Variants in MGAT5 observed in about 807,000 individuals in gnomAD.
MGAT5 encodes alpha-1,6-mannosylglycoprotein 6-beta-N-acetylglucosaminyltransferase A.
Under a neutral mutation model 94.3 loss-of-function variants are expected in MGAT5, and 30 were observed. That is an observed-to-expected ratio of 0.32 (90% CI 0.24 to 0.43). The LOEUF (loss-of-function observed/expected upper bound fraction) is 0.43, where lower values mean the gene tolerates loss of function less well. Ranked by LOEUF, MGAT5 falls within the 20% of genes least tolerant of loss-of-function variation. The pLI is 1.00. For missense variants in MGAT5, 691 were observed against 905.5 expected, an observed-to-expected ratio of 0.76 and a Z score of 3.04; for synonymous variants, 310 against 322.9, an observed-to-expected ratio of 0.96 and a Z score of 0.43.
chr2:134,364,290 AG>A (rs1459244362), intron 10 of MGAT5, among the ~76,000 whole-genome samples: 9 of 152,288 alleles, frequency 5.9e-5, no homozygotes, highest in African/African-American at 1.9e-4. Context: ...ACCTGAGGTC[AG>A]GAGTTTGCAA....
Position 134,364,367 on chromosome 2 carries a change from G to T in MGAT5, c.1380+1959G>T, listed in dbSNP as rs1320480567. On this transcript the variant is annotated intron_variant, in intron 10 of 15. Transcript: ENST00000281923. ...ACAAAACAATTAGCTAGGCGTGGTG[G>T]CAGGTGACTGTAATCCAAGCTACTT... 8.5e-5 allele frequency among the ~76,000 whole-genome samples: 13 copies of T among 152,146 alleles called. No homozygotes were observed. In the East Asian group the frequency reaches 1.9e-3, roughly 23 times the overall value.
intron 14 of MGAT5, among the ~76,000 whole-genome samples, chr2:134,434,319 C>T (rs796761956): frequency 2.6e-5 from 4 of 152,134 alleles, no homozygotes; most frequent in Admixed American, 6.5e-5. Flanking sequence ...AACATTGTTC[C>T]GTCTCATAAA....
At chr2:134,130,997 G>A (rs1420222986) in intron 1 of MGAT5, among the ~76,000 whole-genome samples, 1 of 152,228 alleles carries the variant, frequency 6.6e-6, no homozygotes, top group Non-Finnish European at 1.5e-5. Flanking sequence ...GCCTGAGCTG[G>A]CACTGGCAAC....
upstream of MGAT5, among the ~76,000 whole-genome samples, chr2:134,249,599 A>G (rs1239492930): frequency 1.3e-5 from 2 of 152,220 alleles, no homozygotes; most frequent in African/African-American, 4.8e-5. Flanking sequence ...TTATAGCCAG[A>G]TAATATTTAA....
intron 2 of MGAT5, among the ~76,000 whole-genome samples, chr2:134,300,514 C>G (rs923127360): frequency 6.6e-6 from 1 of 152,170 alleles, no homozygotes; most frequent in African/African-American, 2.4e-5. Context: ...ACACAATTAA[C>G]TAGTTCACTG....
At chr2:134,341,478 T>G in intron 6 of MGAT5, 112 bp from the exon 7 acceptor site, 9 of 847,624 alleles carry the variant, frequency 1.1e-5, no homozygotes, top group East Asian at 2.7e-5. Context: ...CACCCTTTGA[T>G]TTTGTTAGGA....
intron 1 of MGAT5, among the ~76,000 whole-genome samples, chr2:134,131,572 A>ATTTTTTTT (rs10617178): frequency 1.2e-5 from 1 of 85,230 alleles, no homozygotes; most frequent in Non-Finnish European, 2.4e-5. Flanking sequence ...TGGTAGATTG[A>ATTTTTTTT]TTTTTTTTTT....
At chr2:134,364,971 A>C (rs1680334008) in intron 10 of MGAT5, among the ~76,000 whole-genome samples, 1 of 152,206 alleles carries the variant, frequency 6.6e-6, no homozygotes, top group African/African-American at 2.4e-5. Context: ...CATAGGCTTT[A>C]GCTAGCAGGA....
chr2:134,267,069 A>T (rs1003054045), intron 1 of MGAT5, among the ~76,000 whole-genome samples: 1 of 152,196 alleles, frequency 6.6e-6, no homozygotes, highest in Non-Finnish European at 1.5e-5. Flanking sequence ...GGACAGGGAC[A>T]TGAGTGAGTC....
At chr2:134,130,333 G>A (rs1686088949) in intron 1 of MGAT5, among the ~76,000 whole-genome samples, 1 of 149,226 alleles carries the variant, frequency 6.7e-6, no homozygotes. Flanking sequence ...CCTCCCCTAC[G>A]GGCACCACCC....
At chr2:134,375,159 C>T (rs961699154) in intron 10 of MGAT5, among the ~76,000 whole-genome samples, 4 of 152,168 alleles carry the variant, frequency 2.6e-5, no homozygotes, top group Non-Finnish European at 5.9e-5. Context: ...CCAGGCATGG[C>T]CTTCACAATG....
chr2:134,133,143 A>G (rs1351931618), intron 1 of MGAT5, among the ~76,000 whole-genome samples: 1 of 152,210 alleles, frequency 6.6e-6, no homozygotes, highest in African/African-American at 2.4e-5. Context: ...AGCTTCTCTT[A>G]CACCACCTTT....
intron 1 of MGAT5, among the ~76,000 whole-genome samples, chr2:134,237,326 G>T (rs1305034424): frequency 2.0e-5 from 3 of 152,198 alleles, no homozygotes; most frequent in Non-Finnish European, 2.9e-5. Flanking sequence ...TGGGAGGCAA[G>T]ACACCTCCTA....
rs1307088831 is a variant in MGAT5, at chr2:134,209,141, ATTTTTTTTTTATTTTTTT to A, written c.-142-45098_-142-45081del. Among the ~76,000 whole-genome samples the A allele has an allele frequency of 5.5e-3, 88 of 16,084 alleles. 20 individuals carry two copies. The highest frequency in any genetic ancestry group is 6.9e-3 in the South Asian group (2 of 288). 10.6% of individuals were successfully genotyped at this position (16,084 alleles called of 152,430 possible). On this transcript the variant is annotated intron_variant, in intron 1 of 16. Transcript: ENST00000409645. ...GAGGGATTGTATATAGAACTGGCTT[ATTTTTTTTTTATTTTTTT>A]TTTTTTTTTTATTTTTTTTTTTATT... is the stretch of plus-strand genomic sequence containing the variant.
intron 1 of MGAT5, among the ~76,000 whole-genome samples, chr2:134,214,998 G>GT (rs1190810083): frequency 1.3e-5 from 2 of 152,022 alleles, no homozygotes; most frequent in Admixed American, 1.3e-4. Context: ...AATCCTGACT[G>GT]TTTTAGCACT....
chr2:134,223,296 TGC>T (rs1227156120), intron 1 of MGAT5, among the ~76,000 whole-genome samples: 1 of 152,194 alleles, frequency 6.6e-6, no homozygotes, highest in Non-Finnish European at 1.5e-5. Context: ...CCACCTTTTC[TGC>T]ATTTGTCCCT....
intron 1 of MGAT5, among the ~76,000 whole-genome samples, chr2:134,152,233 CTTA>C (rs1687244890): frequency 7.2e-6 from 1 of 139,498 alleles, no homozygotes. Context: ...ATGGGACCCG[CTTA>C]CCACCATGGG....
chr2:134,217,129 G>T (rs1419069095), intron 1 of MGAT5, among the ~76,000 whole-genome samples: 1 of 151,930 alleles, frequency 6.6e-6, no homozygotes, highest in East Asian at 1.9e-4. Context: ...GTAAAAATTT[G>T]TTAAATGAAA....
chr2:134,204,512 A>T (rs565915155), intron 1 of MGAT5, among the ~76,000 whole-genome samples: 1 of 152,238 alleles, frequency 6.6e-6, no homozygotes, highest in South Asian at 2.1e-4. Flanking sequence ...ACAAGATGTC[A>T]TGGAAGGTAA....
Sources: allele counts gnomAD v4.1 joint callset (sites outside exome capture counted in the v4.1 genomes callset), GRCh38; gene constraint gnomAD v4.1.1; transcripts MANE v1.5; gene names NCBI Gene and HGNC (gene_info 2026-07-23, HGNC 2026-07-21).